Variants in WWOX observed in about 807,000 individuals in gnomAD.
WWOX encodes the protein WW domain-containing oxidoreductase.
Under a neutral mutation model 46.2 loss-of-function variants are expected in WWOX, and 69 were observed. That is an observed-to-expected ratio of 1.49 (90% CI 1.23 to 1.82). The LOEUF (loss-of-function observed/expected upper bound fraction) is 1.82, where lower values mean the gene tolerates loss of function less well. Ranked by LOEUF, WWOX falls within the 40% of genes most tolerant of loss-of-function variation. The pLI is 0.00. For synonymous variants in WWOX, 359 were observed against 202.6 expected, an observed-to-expected ratio of 1.77 and a Z score of -6.56; for missense variants, 919 against 542.6, an observed-to-expected ratio of 1.69 and a Z score of -6.89.
At chr16:78,907,760 G>C (rs912410193) in intron 8 of WWOX, among the ~76,000 whole-genome samples, 1 of 152,172 alleles carries the variant, frequency 6.6e-6, no homozygotes, top group Non-Finnish European at 1.5e-5. Context: ...TTTCTCTGAG[G>C]AGATCCCATT....
chr16:78,255,616 C>T (rs1388434632), intron 5 of WWOX, among the ~76,000 whole-genome samples: 1 of 152,152 alleles, frequency 6.6e-6, no homozygotes, highest in Non-Finnish European at 1.5e-5. Context: ...AGGGCATCTT[C>T]TTCCTTCACA....
At chr16:78,204,450 T>C (rs1384943736) in intron 5 of WWOX, among the ~76,000 whole-genome samples, 1 of 152,166 alleles carries the variant, frequency 6.6e-6, no homozygotes, top group Non-Finnish European at 1.5e-5. Flanking sequence ...ATGTACAGTT[T>C]AAGTTATTAT....
intron 5 of WWOX, among the ~76,000 whole-genome samples, chr16:78,208,981 G>T (rs2036476861): frequency 6.6e-6 from 1 of 152,106 alleles, no homozygotes; most frequent in African/African-American, 2.4e-5. Context: ...GGGAATGGAA[G>T]GAGTGTGTTT....
chr16:78,917,083 T>C (rs1033546707), intron 8 of WWOX, among the ~76,000 whole-genome samples: 1 of 152,198 alleles, frequency 6.6e-6, no homozygotes, highest in Non-Finnish European at 1.5e-5. Context: ...TTCAATATAG[T>C]AGGAGAAGAC....
At chr16:79,124,529 T>C (rs1483192817) in intron 8 of WWOX, among the ~76,000 whole-genome samples, 1 of 152,196 alleles carries the variant, frequency 6.6e-6, no homozygotes, top group South Asian at 2.1e-4. Flanking sequence ...AGTTCATTCT[T>C]GTTCAGATTC....
intron 8 of WWOX, among the ~76,000 whole-genome samples, chr16:78,729,496 C>T (rs1007176832): frequency 6.6e-5 from 10 of 152,028 alleles, no homozygotes; most frequent in African/African-American, 2.2e-4. Context: ...TTGAGAAAGA[C>T]AGAAGAGGAG....
chr16:78,973,520 C>T (rs562433534), intron 8 of WWOX, among the ~76,000 whole-genome samples: 1 of 152,292 alleles, frequency 6.6e-6, no homozygotes, highest in East Asian at 1.9e-4. Flanking sequence ...GAATACGAAG[C>T]CTCCCTTTAT....
intron 8 of WWOX, among the ~76,000 whole-genome samples, chr16:78,661,926 C>G: frequency 6.6e-6 from 1 of 152,146 alleles, no homozygotes; most frequent in East Asian, 1.9e-4. Flanking sequence ...CATCTGTGGT[C>G]TGAGCTACTC....
chr16:78,671,852 A>G (rs1393909876), intron 8 of WWOX, among the ~76,000 whole-genome samples: 3 of 152,074 alleles, frequency 2.0e-5, no homozygotes, highest in Admixed American at 6.6e-5. Context: ...ATACATGTCA[A>G]TTAAATGGAT....
At chr16:78,963,047 A>G (rs746930311) in intron 8 of WWOX, among the ~76,000 whole-genome samples, 1 of 152,212 alleles carries the variant, frequency 6.6e-6, no homozygotes, top group Non-Finnish European at 1.5e-5. Context: ...ACAAAAGTTG[A>G]AAGAATTGTA....
chr16:78,302,711 C>G (rs991435826), intron 5 of WWOX, among the ~76,000 whole-genome samples: 1 of 152,150 alleles, frequency 6.6e-6, no homozygotes, highest in African/African-American at 2.4e-5. Context: ...CCTTCTCAGT[C>G]GAAGCAGCTT....
At chr16:78,970,745 C>G (rs1006177481) in intron 8 of WWOX, among the ~76,000 whole-genome samples, 3 of 151,940 alleles carry the variant, frequency 2.0e-5, no homozygotes, top group African/African-American at 7.3e-5. Context: ...TGTACCTCCC[C>G]TCCTTCTTCC....
At chr16:78,474,859 C>A (rs2084318189) in intron 8 of WWOX, among the ~76,000 whole-genome samples, 2 of 152,188 alleles carry the variant, frequency 1.3e-5, no homozygotes, top group South Asian at 4.1e-4. Flanking sequence ...GTGGTCCTTT[C>A]ACTTTGCATG....
intron 8 of WWOX, among the ~76,000 whole-genome samples, chr16:78,668,279 TCAAA>T (rs1180974615): frequency 2.6e-5 from 4 of 152,086 alleles, no homozygotes; most frequent in Admixed American, 6.5e-5. Flanking sequence ...AGACTTTGTC[TCAAA>T]CAAACAAACA....
intron 8 of WWOX, among the ~76,000 whole-genome samples, chr16:78,833,014 G>T (rs1488597044): frequency 6.6e-6 from 1 of 150,532 alleles, no homozygotes; most frequent in South Asian, 2.1e-4. Flanking sequence ...AAGTGGCCAG[G>T]CTCAGCCTTT....
chr16:78,759,706 A>G (rs2049743747), intron 8 of WWOX, among the ~76,000 whole-genome samples: 1 of 152,208 alleles, frequency 6.6e-6, no homozygotes. Flanking sequence ...TCCCTGTTGT[A>G]GTTTCCTATG....
At chr16:79,015,745 A>G (rs2656654) in intron 8 of WWOX, among the ~76,000 whole-genome samples, 12,772 of 152,056 alleles carry the variant, frequency 0.084, 1,143 homozygotes, top group African/African-American at 0.22. Context: ...ATTTATTTTT[A>G]TTTTAATTAA....
chr16:78,927,578 C>A (rs748169153), intron 8 of WWOX, among the ~76,000 whole-genome samples: 11 of 152,058 alleles, frequency 7.2e-5, no homozygotes, highest in African/African-American at 1.2e-4. Context: ...TGCGTAGGTA[C>A]CAGCACTACA....
chr16:78,315,872 C>T (rs1238830778), intron 5 of WWOX, among the ~76,000 whole-genome samples: 1 of 152,114 alleles, frequency 6.6e-6, no homozygotes, highest in African/African-American at 2.4e-5. Flanking sequence ...TTCCCAGCCA[C>T]AGTAGATGTA....
Sources: gnomAD v4.1 joint callset for allele counts (sites outside exome capture counted in the v4.1 genomes callset) on GRCh38, gnomAD v4.1.1 for gene constraint, MANE v1.5 for transcripts, NCBI Gene and HGNC (gene_info 2026-07-23, HGNC 2026-07-21) for gene names.